Variants in RB1 observed in about 807,000 individuals in gnomAD.
The protein encoded by RB1 is retinoblastoma-associated protein.
In RB1, 18 loss-of-function variants were observed where a neutral mutation model predicts 135.4. That is an observed-to-expected ratio of 0.13 (90% CI 0.09 to 0.20). RB1 has a LOEUF of 0.20. Ranked by LOEUF, RB1 falls within the 10% of genes least tolerant of loss-of-function variation. The probability of loss-of-function intolerance (pLI) is 1.00; values close to 1 mark genes in which losing one functional copy is unlikely to be tolerated. For synonymous variants in RB1, 365 were observed against 373.2 expected, an observed-to-expected ratio of 0.98 and a Z score of 0.25; for missense variants, 868 against 1,110.0, an observed-to-expected ratio of 0.78 and a Z score of 3.10.
chr13:48,476,738 G>A lies in RB1; in HGVS notation c.2558G>A (p.Cys853Tyr), dbSNP rs1566240940. 3.7e-6 allele frequency: 6 copies of A among 1,613,424 alleles called. No individual in the cohort carries two copies. Among genetic ancestry groups the A allele is most frequent in the Non-Finnish European group, 5.1e-6 (6 of 1,179,502 alleles). Residue 853 changes from cysteine (C) to tyrosine (Y), a missense_variant, in exon 25 of 27, where the codon TGT (cysteine) becomes TAT (tyrosine). By Grantham distance (194) the Cys-to-Tyr change is radical. This residue lies in a region of RB1 where 196 missense variants were observed against 239.8 expected (regional missense o/e 0.82). Transcript: ENST00000267163. ...EKFQKINQMV[C>Y]NSDRVLKRSA... ...TTCCAGAAAATAAATCAGATGGTATGTAACAGCGACCGTGTGCTCAAAAGA... is the reference window on the plus strand; with the variant it reads ...TTCCAGAAAATAAATCAGATGGTATATAACAGCGACCGTGTGCTCAAAAGA...
At chr13:48,313,100 C>T in intron 2 of RB1, among the ~76,000 whole-genome samples, 1 of 152,052 alleles carries the variant, frequency 6.6e-6, no homozygotes, top group East Asian at 1.9e-4. Flanking sequence ...GTTCTCTTCC[C>T]TTCCATATGA....
chr13:48,448,634 A>G lies in RB1; in HGVS notation c.1696-4359A>G, dbSNP rs557710798. Among the ~76,000 whole-genome samples the G allele has an allele frequency of 2.0e-5, 3 of 152,376 alleles. No homozygotes were observed. The South Asian group carries it at 6.2e-4, about 32-fold the overall frequency. ...CTACTTGACATGTAGAAAGGAAAAGAGTAAAGTTAAGAAAAGACAGTTTGT... is the reference window on the plus strand; with the variant it reads ...CTACTTGACATGTAGAAAGGAAAAGGGTAAAGTTAAGAAAAGACAGTTTGT... On this transcript the variant is annotated intron_variant, in intron 17 of 26. Transcript: ENST00000267163.
At chr13:48,348,898 A>G (rs911099556) in intron 5 of RB1, 58 bp from the exon 6 acceptor site, 7 of 1,567,388 alleles carry the variant, frequency 4.5e-6, no homozygotes, top group Admixed American at 3.6e-5. Flanking sequence ...TATCTGGAAA[A>G]CTTTCTTTCA....
At chr13:48,320,310 CT>C in intron 2 of RB1, 1 of 1,237,402 alleles carries the variant, frequency 8.1e-7, no homozygotes, top group Non-Finnish European at 1.2e-6. Context: ...CCCCGCTGCG[CT>C]GCAGCGTGCT....
rs1312302488 is a variant in RB1, at chr13:48,303,784, T to C, written c.-129T>C. On this transcript the variant is annotated 5_prime_UTR_variant, in exon 1 of 27. Transcript: ENST00000267163. ...GGCGGGGGAGGGCGCGTCCGGTTTTTCTCAGGGGACGTTGAAATTATTTTT... is the reference window on the plus strand; with the variant it reads ...GGCGGGGGAGGGCGCGTCCGGTTTTCCTCAGGGGACGTTGAAATTATTTTT... The C allele has an allele frequency of 5.0e-6, 7 of 1,386,894 alleles. No individual in the cohort carries two copies. The highest frequency in any genetic ancestry group is 1.3e-5 in the South Asian group (1 of 74,160). The allele number at this position is 1,386,894 out of a possible 1,614,324, so 85.9% of individuals were successfully genotyped here.
Position 48,308,654 on chromosome 13 carries a change from A to AAAAAAAAC in RB1, c.264+1256_264+1263dup, listed in dbSNP as rs536893465. Among the ~76,000 whole-genome samples the AAAAAAAAC allele has an allele frequency of 5.4e-3, 822 of 152,172 alleles. 5 individuals are homozygous for AAAAAAAAC. The highest frequency in any genetic ancestry group is 0.01 in the Middle Eastern group (3 of 294). ...GGCAACAGAGAAGACTCCATCTCAA[A>AAAAAAAAC]AAAAAAACAAAAAAAACCCCAGAAC... On this transcript the variant is annotated intron_variant, in intron 2 of 26. Transcript: ENST00000267163.
Position 48,480,139 on chromosome 13 carries a change from A to G in RB1, c.*68A>G, listed in dbSNP as rs547352312. The G allele has an allele frequency of 1.8e-4, 245 of 1,361,272 alleles. No homozygotes were observed. Among genetic ancestry groups the G allele is most frequent in the Non-Finnish European group, 2.4e-4 (229 of 956,896 alleles). The allele number at this position is 1,361,272 out of a possible 1,614,324, so 84.3% of individuals were successfully genotyped here. A position where few individuals can be genotyped will look rare whatever the true frequency, so the allele number is the denominator to read the frequency against. On this transcript the variant is annotated 3_prime_UTR_variant, in exon 27 of 27. Coordinates refer to ENST00000267163, the MANE Select transcript of RB1 (RefSeq NM_000321.3). Reference sequence around the variant, plus strand: ...CATTGTCTCTCACAGATGTGACTGTATAACTTTCCCAGGTTCTGTTTATGG... The same window carrying G: ...CATTGTCTCTCACAGATGTGACTGTGTAACTTTCCCAGGTTCTGTTTATGG...
intron 24 of RB1, among the ~76,000 whole-genome samples, chr13:48,473,724 C>T (rs1448646536): frequency 6.6e-6 from 1 of 151,994 alleles, no homozygotes; most frequent in Non-Finnish European, 1.5e-5. Flanking sequence ...TTTTTTCTCA[C>T]CCAAATCTAT....
chr13:48,473,640 C>T (rs1221282454), intron 24 of RB1, among the ~76,000 whole-genome samples: 1 of 152,096 alleles, frequency 6.6e-6, no homozygotes, highest in African/African-American at 2.4e-5. Context: ...TACATATATA[C>T]ATTTGTGTAT....
At chr13:48,386,493 A>T (rs1312363555) in intron 17 of RB1, among the ~76,000 whole-genome samples, 2 of 152,142 alleles carry the variant, frequency 1.3e-5, no homozygotes, top group African/African-American at 2.4e-5. Flanking sequence ...TTATTGGTTG[A>T]GTTGTGAACT....
At chr13:48,373,616 C>A (rs1952787040) in intron 12 of RB1, 124 bp downstream of exon 12, 3 of 609,664 alleles carry the variant, frequency 4.9e-6, no homozygotes, top group Admixed American at 3.0e-5. Context: ...TATCCATAAT[C>A]TTTTCTTGCT....
rs1354120762 is a variant in RB1, at chr13:48,416,273, C to T, written c.1695+34830C>T. On this transcript the variant is annotated intron_variant, in intron 17 of 26. Transcript: ENST00000267163. ...GACTGGTCAGACAGGGGGTGCAGCC[C>T]ATGGAAGGCGAGCCAAAGCAGGGTG... 4.6e-5 allele frequency: 7 copies of T among 152,338 alleles called. No homozygotes were observed. The East Asian group carries it at 1.2e-3, about 25-fold the overall frequency. The allele number at this position is 152,338 out of a possible 1,614,324, so 9.4% of individuals were successfully genotyped here. A position where few individuals can be genotyped will look rare whatever the true frequency, so the allele number is the denominator to read the frequency against.
intron 2 of RB1, among the ~76,000 whole-genome samples, chr13:48,322,599 C>A (rs2138058290): frequency 1.3e-5 from 2 of 152,310 alleles, no homozygotes; most frequent in African/African-American, 4.8e-5. Context: ...ATTGTTGTCT[C>A]TTCCTGGATC....
chr13:48,320,552 G>GC (rs895817687), intron 2 of RB1: 5 of 478,656 alleles, frequency 1.0e-5, no homozygotes, highest in African/African-American at 1.0e-4. Context: ...AAGGTTGGCA[G>GC]CGGGGTGCAG....
At chr13:48,336,880 T>G (rs1265037146) in intron 2 of RB1, among the ~76,000 whole-genome samples, 1 of 152,240 alleles carries the variant, frequency 6.6e-6, no homozygotes, top group Admixed American at 6.5e-5. Context: ...TGGTATGTTG[T>G]GTCTTTGTTC....
At chr13:48,322,496 C>T (rs1952250684) in intron 2 of RB1, among the ~76,000 whole-genome samples, 1 of 152,084 alleles carries the variant, frequency 6.6e-6, no homozygotes, top group Admixed American at 6.5e-5. Context: ...TTACTTCTTC[C>T]TTTAAAATCT....
At chr13:48,368,316 C>A (rs1450316106) in intron 10 of RB1, among the ~76,000 whole-genome samples, 1 of 152,018 alleles carries the variant, frequency 6.6e-6, no homozygotes, top group African/African-American at 2.4e-5. Flanking sequence ...TTGTCATAAA[C>A]ATAATGGAAA....
intron 17 of RB1, among the ~76,000 whole-genome samples, chr13:48,385,719 C>A (rs528796927): frequency 1.2e-4 from 18 of 152,266 alleles, no homozygotes; most frequent in African/African-American, 4.3e-4. Flanking sequence ...TGAACTGAAA[C>A]TGGAGTTGCT....
intron 12 of RB1, among the ~76,000 whole-genome samples, chr13:48,373,986 A>G (rs369712920): frequency 1.3e-5 from 2 of 152,254 alleles, no homozygotes; most frequent in African/African-American, 4.8e-5. Context: ...CTAATTAAGA[A>G]GTCTTATGCC....
Sources: allele counts gnomAD v4.1 joint callset (sites outside exome capture counted in the v4.1 genomes callset), GRCh38; gene constraint gnomAD v4.1.1; regional missense constraint gnomAD v4.1.1; transcripts MANE v1.5; gene names NCBI Gene and HGNC (gene_info 2026-07-23, HGNC 2026-07-21).